The following CHN2 variants were observed in gnomAD, a reference collection of about 807,000 sequenced individuals.
CHN2 encodes beta-chimaerin.
CHN2 carries 35 observed loss-of-function variants against 56.3 expected under a neutral mutation model. The observed-to-expected ratio is 0.62, with a 90% CI of 0.47 to 0.82. The LOEUF (loss-of-function observed/expected upper bound fraction) is 0.82, where lower values mean the gene tolerates loss of function less well. Ranked by LOEUF, CHN2 falls within the 40% of genes least tolerant of loss-of-function variation. The pLI, the probability that CHN2 is intolerant of heterozygous loss-of-function variation, is 0.00. For missense variants in CHN2, 491 were observed against 580.5 expected (o/e 0.85, Z 1.58); for synonymous variants, 210 against 212.8 (o/e 0.99, Z 0.12).
intron 6 of CHN2, among the ~76,000 whole-genome samples, chr7:29,458,377 G>GCACACA (rs58364010): frequency 3.7e-5 from 5 of 135,908 alleles, no homozygotes; most frequent in East Asian, 4.9e-4. Flanking sequence ...GCATAGCTGT[G>GCACACA]CACACACACA....
rs1476975863 is a variant in CHN2, at chr7:29,437,364, C to T, written c.576+36536C>T. 5.9e-5 allele frequency among the ~76,000 whole-genome samples: 5 copies of T among 84,734 alleles called. No individual in the cohort carries two copies. In the East Asian group the frequency reaches 6.7e-4, roughly 11 times the overall value. The allele number at this position is 84,734 out of a possible 152,430, so 55.6% of individuals were successfully genotyped here. On this transcript the variant is annotated intron_variant, in intron 6 of 12. Transcript: ENST00000222792. ...CTGTAATCCCAGCACTTTGGGAGGC[C>T]GAGGCGGGCGGATCACGAGGTCAGG...
intron 1 of CHN2, among the ~76,000 whole-genome samples, chr7:29,228,884 C>A (rs965438510): frequency 2.0e-5 from 3 of 152,240 alleles, no homozygotes; most frequent in Non-Finnish European, 4.4e-5. Context: ...TGGCGCTGCA[C>A]CGCCCTCCTT....
chr7:29,400,861 T>G (rs1469590299), intron 6 of CHN2, 33 bp downstream of exon 6: 12 of 1,603,610 alleles, frequency 7.5e-6, no homozygotes, highest in South Asian at 3.3e-5. Context: ...AGCCTTTCGT[T>G]TTAATCCATG....
At chr7:29,219,148 C>T (rs1337477281) in intron 1 of CHN2, among the ~76,000 whole-genome samples, 3 of 152,148 alleles carry the variant, frequency 2.0e-5, no homozygotes, top group Non-Finnish European at 4.4e-5. Context: ...AAAGTCGACT[C>T]TCCTAGAGCC....
intron 2 of CHN2, among the ~76,000 whole-genome samples, chr7:29,176,259 A>G (rs1797325747): frequency 6.6e-6 from 1 of 152,162 alleles, no homozygotes; most frequent in African/African-American, 2.4e-5. Flanking sequence ...GATCCAGAAG[A>G]GAAGTCAAGA....
In CHN2 at chr7:29,513,847, C is replaced by T. The variant is rs1791766968; in HGVS notation, c.*1112C>T. On this transcript the variant is annotated 3_prime_UTR_variant, in exon 13 of 13. Coordinates refer to ENST00000222792, the MANE Select transcript of CHN2 (RefSeq NM_004067.4). ...TGTGGATAATATGATTTTATTACTA[C>T]AGTTCCAGTCACTTGGTTATATTTA... The T allele has an allele frequency of 6.6e-6, 1 of 152,630 alleles. No individual in the cohort carries two copies. Among genetic ancestry groups the T allele is most frequent in the Non-Finnish European group, 1.5e-5 (1 of 68,032 alleles). The allele number at this position is 152,630 out of a possible 1,614,324, so 9.5% of individuals were successfully genotyped here. A position where few individuals can be genotyped will look rare whatever the true frequency, so the allele number is the denominator to read the frequency against.
In CHN2 at chr7:29,364,968, G is replaced by A. The variant is rs141499719; in HGVS notation, c.89-2964G>A. 2.0e-4 allele frequency among the ~76,000 whole-genome samples: 30 copies of A among 152,244 alleles called. No individual in the cohort carries two copies. The East Asian group carries it at 5.8e-3, about 29-fold the overall frequency. ...TTTTACTCCCTTTCTTAAAATGAAT[G>A]TGTACTCTATGTATTTTTGGTTGTG... is the stretch of plus-strand genomic sequence containing the variant. On this transcript the variant is annotated intron_variant, in intron 2 of 12. Transcript: ENST00000222792.
intron 11 of CHN2, among the ~76,000 whole-genome samples, chr7:29,508,359 C>T (rs182532442): frequency 3.3e-5 from 5 of 149,932 alleles, no homozygotes; most frequent in African/African-American, 7.4e-5. Flanking sequence ...ACACATGACA[C>T]GGAAGTCAAG....
At chr7:29,162,449 G>T (rs909693404) in intron 2 of CHN2, among the ~76,000 whole-genome samples, 3 of 152,108 alleles carry the variant, frequency 2.0e-5, no homozygotes, top group South Asian at 2.1e-4. Flanking sequence ...ATCACCTGAG[G>T]TCGGGAGTTC....
intron 12 of CHN2, 122 bp downstream of exon 12, chr7:29,509,528 C>A: frequency 1.4e-6 from 1 of 708,154 alleles, no homozygotes; most frequent in Non-Finnish European, 2.4e-6. Context: ...AGGAACCACT[C>A]CAGGCACTTT....
chr7:29,353,118 C>T (rs1798011666), intron 1 of CHN2, among the ~76,000 whole-genome samples: 1 of 152,180 alleles, frequency 6.6e-6, no homozygotes, highest in African/African-American at 2.4e-5. Flanking sequence ...CTTGACAATT[C>T]AAGCCTAACA....
chr7:29,285,442 A>G, intron 1 of CHN2, among the ~76,000 whole-genome samples: 1 of 152,232 alleles, frequency 6.6e-6, no homozygotes, highest in East Asian at 1.9e-4. Flanking sequence ...GAGTCAGGTC[A>G]GGAACTAAGC....
chr7:29,147,993 G>A lies in CHN2; in HGVS notation c.274+1033G>A, dbSNP rs77672720. Among the ~76,000 whole-genome samples the A allele has an allele frequency of 2.2e-3, 334 of 152,226 alleles. 1 individual carries two copies. Among genetic ancestry groups the A allele is most frequent in the African/African-American group, 7.4e-3 (309 of 41,514 alleles). On this transcript the variant is annotated intron_variant, in intron 2 of 6. Coordinates refer to the CHN2 transcript ENST00000439384. ...GCAGCCACCTCCTCTCTTCCCACAG[G>A]GCTCTAGTCCATTGGTGGAAGCTCG... is the stretch of plus-strand genomic sequence containing the variant.
intron 6 of CHN2, among the ~76,000 whole-genome samples, chr7:29,415,412 G>A (rs1203658955): frequency 2.0e-5 from 3 of 152,148 alleles, no homozygotes; most frequent in Admixed American, 1.3e-4. Context: ...TTTCTGTGCT[G>A]GTACATTTCT....
intron 6 of CHN2, among the ~76,000 whole-genome samples, chr7:29,422,954 G>A (rs182232409): frequency 8.5e-5 from 13 of 152,288 alleles, no homozygotes; most frequent in East Asian, 1.9e-4. Context: ...GGTGTGCTTC[G>A]TAACTTACAC....
At chr7:29,325,325 A>G (rs905709239) in intron 1 of CHN2, among the ~76,000 whole-genome samples, 1 of 152,222 alleles carries the variant, frequency 6.6e-6, no homozygotes, top group Non-Finnish European at 1.5e-5. Flanking sequence ...CATTTGGAGC[A>G]GTAGATGTTT....
chr7:29,161,687 CTTAAAAA>C (rs1267260010), intron 2 of CHN2, among the ~76,000 whole-genome samples: 1 of 152,066 alleles, frequency 6.6e-6, no homozygotes, highest in East Asian at 1.9e-4. Flanking sequence ...AAAATAGATA[CTTAAAAA>C]TTAAAAACTT....
At chr7:29,356,659 G>A (rs1006988902) in intron 2 of CHN2, among the ~76,000 whole-genome samples, 1 of 152,152 alleles carries the variant, frequency 6.6e-6, no homozygotes, top group Non-Finnish European at 1.5e-5. Flanking sequence ...CACATACAGA[G>A]GCACCTTGTT....
At chr7:29,264,854 T>G (rs2128837667) in intron 1 of CHN2, among the ~76,000 whole-genome samples, 1 of 146,404 alleles carries the variant, frequency 6.8e-6, no homozygotes, top group Non-Finnish European at 1.5e-5. Flanking sequence ...ATTAAAAAAG[T>G]CAATTGACTG....
Sources: gnomAD v4.1 joint callset for allele counts (sites outside exome capture counted in the v4.1 genomes callset) on GRCh38, gnomAD v4.1.1 for gene constraint, MANE v1.5 for transcripts, NCBI Gene and HGNC (gene_info 2026-07-23, HGNC 2026-07-21) for gene names.